The following NUP58 variants were observed in gnomAD, a reference collection of about 807,000 sequenced individuals.
NUP58 encodes nucleoporin 58, also known as nucleoporin p58/p45.
NUP58 carries 17 observed loss-of-function variants against 70.1 expected under a neutral mutation model. The ratio of observed to expected loss-of-function variants is 0.24; its 90% CI spans 0.17 to 0.36. The LOEUF (loss-of-function observed/expected upper bound fraction) is 0.36, where lower values mean the gene tolerates loss of function less well. Ranked by LOEUF, NUP58 falls within the 10% of genes least tolerant of loss-of-function variation. NUP58 has a pLI of 1.00. For missense variants in NUP58, 644 were observed against 701.5 expected, an observed-to-expected ratio of 0.92 and a Z score of 0.93; for synonymous variants, 275 against 257.6, an observed-to-expected ratio of 1.07 and a Z score of -0.65.
chr13:25,310,519 C>CA (rs538657534), intron 3 of NUP58, among the ~76,000 whole-genome samples: 5 of 53,552 alleles, frequency 9.3e-5, no homozygotes, highest in Non-Finnish European at 1.7e-4. Context: ...TGTGCCTGGC[C>CA]TTTTTTTTTT....
At chr13:25,309,042 A>C (rs2030521955) in intron 2 of NUP58, among the ~76,000 whole-genome samples, 1 of 152,214 alleles carries the variant, frequency 6.6e-6, no homozygotes, top group Non-Finnish European at 1.5e-5. Flanking sequence ...TTTATTCCTT[A>C]ATCAAATTAT....
At chr13:25,343,804 TGTATATATATATATATATATATACAC>T (rs2032010644), downstream of NUP58, among the ~76,000 whole-genome samples, 1 of 96,640 alleles carries the variant, frequency 1.0e-5, no homozygotes, top group Non-Finnish European at 2.1e-5. Context: ...CACATATATA[TGTATATATATATATATATATATACAC>T]ATATATATAT....
chr13:25,335,424 A>G (rs755859674), intron 13 of NUP58: 47 of 985,342 alleles, frequency 4.8e-5, no homozygotes, highest in African/African-American at 2.6e-4. Context: ...AAGTCTCTCA[A>G]TGTTAAAGAA....
At chr13:25,324,318 A>G (rs769021279) in intron 9 of NUP58, among the ~76,000 whole-genome samples, 8 of 152,336 alleles carry the variant, frequency 5.3e-5, no homozygotes, top group African/African-American at 1.4e-4. Context: ...GGTCGAAAAT[A>G]TAGTGAAATG....
At chr13:25,320,672 C>T in intron 8 of NUP58, 77 bp downstream of exon 8, 4 of 1,090,792 alleles carry the variant, frequency 3.7e-6, no homozygotes, top group Non-Finnish European at 5.4e-6. Context: ...TCTCTTCCTC[C>T]TAAAATCGCA....
At chr13:25,317,853 G>A (rs1203706154) in intron 6 of NUP58, 2 of 141,384 alleles carry the variant, frequency 1.4e-5, no homozygotes, top group African/African-American at 2.6e-5. Flanking sequence ...AAAGTAAAAT[G>A]CTTGATTTTT....
At position 25,305,132 on chromosome 13, in the gene NUP58, T is replaced by TG. The variant is rs1243307945; in HGVS notation, c.108-2674_108-2673insG. On this transcript the variant is annotated intron_variant, in intron 1 of 15. Transcript: ENST00000381736. Reference sequence around the variant, plus strand: ...CTAAATGTTTAAAGATCTGTGGGGTTTTTTTTTTTTTTTTTTTTTTTTTTT... The same window carrying TG: ...CTAAATGTTTAAAGATCTGTGGGGTTGTTTTTTTTTTTTTTTTTTTTTTTTT... Among the ~76,000 whole-genome samples the TG allele has an allele frequency of 7.1e-4, 5 of 7,086 alleles. No individual in the cohort carries two copies. In the South Asian group the frequency reaches 0.078, roughly 111 times the overall value. 4.6% of individuals were successfully genotyped at this position (7,086 alleles called of 152,430 possible). A position where few individuals can be genotyped will look rare whatever the true frequency, so the allele number is the denominator to read the frequency against.
At chr13:25,316,516 T>G (rs767285393) in intron 6 of NUP58, among the ~76,000 whole-genome samples, 11 of 152,194 alleles carry the variant, frequency 7.2e-5, no homozygotes, top group Non-Finnish European at 1.3e-4. Flanking sequence ...ATTACTATTT[T>G]AAAGTTGGTA....
intron 13 of NUP58, chr13:25,335,121 A>T: frequency 1.0e-6 from 1 of 985,288 alleles, no homozygotes; most frequent in Non-Finnish European, 1.2e-6. Context: ...TTTGCCTACG[A>T]GTTTTATAAA....
chr13:25,319,232 TTTATAC>T (rs1219508931), intron 6 of NUP58, 88 bp from the exon 7 acceptor site: 2 of 733,354 alleles, frequency 2.7e-6, no homozygotes, highest in Admixed American at 3.0e-5. Flanking sequence ...ACAGTTTATA[TTTATAC>T]TTTAATTTGT....
Position 25,336,485 on chromosome 13 carries a change from G to A in NUP58, c.1436-451G>A, listed in dbSNP as rs554578530. On this transcript the variant is annotated intron_variant, in intron 13 of 15. Coordinates refer to ENST00000381736, the MANE Select transcript of NUP58 (RefSeq NM_014089.4). ...TAGTGTCAGTCTCTCTTGATCAATTGAGACTTGACTCTAACACTAAGGAGC... is the reference window on the plus strand; with the variant it reads ...TAGTGTCAGTCTCTCTTGATCAATTAAGACTTGACTCTAACACTAAGGAGC... 1.0e-3 allele frequency: 353 copies of A among 344,538 alleles called. 2 individuals are homozygous for A. Among genetic ancestry groups the A allele is most frequent in the Middle Eastern group, 2.1e-3 (2 of 936 alleles). 21.3% of individuals were successfully genotyped at this position (344,538 alleles called of 1,614,324 possible). A position where few individuals can be genotyped will look rare whatever the true frequency, so the allele number is the denominator to read the frequency against.
intron 1 of NUP58, among the ~76,000 whole-genome samples, chr13:25,306,647 A>C (rs2030377810): frequency 6.6e-6 from 1 of 152,202 alleles, no homozygotes; most frequent in Non-Finnish European, 1.5e-5. Context: ...ATGTAGGATA[A>C]AGAGAATTTG....
At chr13:25,331,676 A>C (rs1242139513) in intron 13 of NUP58, 118 bp downstream of exon 13, 1 of 1,479,300 alleles carries the variant, frequency 6.8e-7, no homozygotes, top group Non-Finnish European at 9.0e-7. Flanking sequence ...AGCTGTTCCA[A>C]TACAATCTAA....
intron 13 of NUP58, chr13:25,334,690 A>G (rs2031722491): frequency 1.0e-6 from 1 of 979,528 alleles, no homozygotes; most frequent in African/African-American, 1.8e-5. Flanking sequence ...GATCATGGAA[A>G]ATTATAAAAT....
chr13:25,316,521 T>C, intron 6 of NUP58, among the ~76,000 whole-genome samples: 1 of 152,184 alleles, frequency 6.6e-6, no homozygotes, highest in East Asian at 1.9e-4. Flanking sequence ...TATTTTAAAG[T>C]TGGTAAAACC....
rs2031919270 is a variant in NUP58, at chr13:25,340,389, G to A, written c.*255G>A. 2 of 323,858 alleles carry A rather than the reference G, an allele frequency of 6.2e-6. No individual in the cohort carries two copies. Among genetic ancestry groups the A allele is most frequent in the Non-Finnish European group, 1.1e-5 (2 of 180,322 alleles). 20.1% of individuals were successfully genotyped at this position (323,858 alleles called of 1,614,324 possible). A position where few individuals can be genotyped will look rare whatever the true frequency, so the allele number is the denominator to read the frequency against. On this transcript the variant is annotated 3_prime_UTR_variant, in exon 16 of 16. Coordinates refer to ENST00000381736, the MANE Select transcript of NUP58 (RefSeq NM_014089.4). ...AATGTTCTGATTACATCACTGATTG[G>A]TAATGGTTAGAAACCATTAACCTAA...
intron 6 of NUP58, 84 bp downstream of exon 6, chr13:25,315,551 AT>A: frequency 1.2e-6 from 1 of 866,562 alleles, no homozygotes; most frequent in Non-Finnish European, 1.9e-6. Flanking sequence ...TGTGTGGAAG[AT>A]TAGCAGTTAT....
intron 14 of NUP58, among the ~76,000 whole-genome samples, chr13:25,337,703 T>A (rs989622479): frequency 2.6e-5 from 4 of 152,154 alleles, no homozygotes; most frequent in Admixed American, 1.3e-4. Context: ...TTATTTCCAC[T>A]AAAATATAAG....
chr13:25,344,182 T>C (rs2032021611), downstream of NUP58, among the ~76,000 whole-genome samples: 1 of 152,050 alleles, frequency 6.6e-6, no homozygotes, highest in Non-Finnish European at 1.5e-5. Context: ...TATACCAAAT[T>C]AGGGTTTTTT....
Sources: allele counts gnomAD v4.1 joint callset (sites outside exome capture counted in the v4.1 genomes callset), GRCh38; gene constraint gnomAD v4.1.1; transcripts MANE v1.5; gene names NCBI Gene and HGNC (gene_info 2026-07-23, HGNC 2026-07-21).